The following MYH13 variants were observed in gnomAD, a reference collection of about 807,000 sequenced individuals.
MYH13 encodes myosin heavy chain 13.
MYH13 carries 177 observed loss-of-function variants against 232.1 expected under a neutral mutation model. The observed-to-expected ratio is 0.76, with a 90% confidence interval of 0.67 to 0.86. The LOEUF is 0.86. MYH13 is among the 40% of genes least tolerant of loss of function. The pLI, the probability that MYH13 is intolerant of heterozygous loss-of-function variation, is 0.00. For synonymous variants in MYH13, 884 were observed against 923.5 expected (o/e 0.96, Z 0.78); for missense variants, 2,246 against 2,405.9 (o/e 0.93, Z 1.39).
chr17:10,337,861 T>C (rs926856264), intron 18 of MYH13, among the ~76,000 whole-genome samples: 1 of 152,168 alleles, frequency 6.6e-6, no homozygotes, highest in African/African-American at 2.4e-5. Flanking sequence ...GAGACCATCC[T>C]GGCTAACATG....
At chr17:10,353,429 G>C (rs574700822) in intron 11 of MYH13, among the ~76,000 whole-genome samples, 7 of 152,314 alleles carry the variant, frequency 4.6e-5, no homozygotes, top group African/African-American at 1.2e-4. Context: ...AGTGTCTCTA[G>C]GATGATGGAC....
chr17:10,339,385 T>C (rs536038880), intron 18 of MYH13, among the ~76,000 whole-genome samples: 20 of 152,378 alleles, frequency 1.3e-4, no homozygotes, highest in African/African-American at 4.8e-4. Context: ...TGTATTTATA[T>C]ATAGTCTCTG....
At chr17:10,318,267 C>T (rs2142229675) in intron 27 of MYH13, among the ~76,000 whole-genome samples, 1 of 152,308 alleles carries the variant, frequency 6.6e-6, no homozygotes, top group South Asian at 2.1e-4. Flanking sequence ...GTGCTTGAAT[C>T]AAGTGATCTT....
rs999744116 is a variant in MYH13 at position 10,364,618 on chromosome 17, A to G, written c.-12-76T>C. On this transcript the variant is annotated intron_variant, in intron 2 of 40. Transcript: ENST00000252172. ...GCTGCAGGGCCCCTACCCTTATTCTATTAAAACGGGGCCAGATTCAAAGGC... is the reference window on the plus strand; with the variant it reads ...GCTGCAGGGCCCCTACCCTTATTCTGTTAAAACGGGGCCAGATTCAAAGGC... 4.6e-6 allele frequency: 6 copies of G among 1,297,766 alleles called. No homozygotes were observed. In the African/African-American group the frequency reaches 6.0e-5, roughly 13 times the overall value. The allele number at this position is 1,297,766 out of a possible 1,614,324, so 80.4% of individuals were successfully genotyped here.
Position 10,328,069 on chromosome 17 carries a change from G to C in MYH13, c.2488C>G (p.His830Asp). ...AAGAACAGGTTCATCCAGGGCCAGT[G>C]CTTGACGTTCATAAAAGAGCGGATG... is the stretch of plus-strand genomic sequence containing the variant. ...YNIRSFMNVK[H>D]WPWMNLFFKI... is the part of the protein sequence containing the mutation. Residue 830 changes from histidine to aspartate, a missense_variant, in exon 22 of 41, where the codon CAC (histidine) becomes GAC (aspartate). By Grantham distance (81) the His-to-Asp change is moderately conservative. Transcript: ENST00000252172. The C allele has an allele frequency of 6.2e-7, 1 of 1,614,132 alleles. No individual in the cohort carries two copies. The highest frequency in any genetic ancestry group is 1.1e-5 in the South Asian group (1 of 91,072).
chr17:10,306,358 A>G lies in MYH13; in HGVS notation c.5466+101T>C. The G allele has an allele frequency of 1.3e-6, 2 of 1,507,306 alleles. No homozygotes were observed. Among genetic ancestry groups the G allele is most frequent in the South Asian group, 1.2e-5 (1 of 80,494 alleles). 93.4% of individuals were successfully genotyped at this position (1,507,306 alleles called of 1,614,324 possible). A position where few individuals can be genotyped will look rare whatever the true frequency, so the allele number is the denominator to read the frequency against. The stretch of plus-strand genomic sequence containing the variant: ...AAGCAGTCCTGAAACTGAATTTGCA[A>G]TCTATTCATTCAGTGGCCTTTTCCC... On this transcript the variant is annotated intron_variant, in intron 37 of 40. Coordinates refer to ENST00000252172, the MANE Select transcript of MYH13 (RefSeq NM_003802.3). The surrounding 1 kb of genome is among the most constrained non-coding windows in gnomAD (Gnocchi z 4.3).
At chr17:10,349,875 G>T (rs1360117823) in intron 12 of MYH13, among the ~76,000 whole-genome samples, 1 of 152,184 alleles carries the variant, frequency 6.6e-6, no homozygotes, top group Non-Finnish European at 1.5e-5. Context: ...TCAAAAGGCA[G>T]AATTATCAAG....
rs2071639783 is a variant in MYH13, at chr17:10,343,996, C to T, written c.1698G>A (p.Gln566=). 1 of 1,614,204 alleles carries T rather than the reference C, an allele frequency of 6.2e-7. No homozygotes were observed. Reference sequence around the variant, plus strand: ...CCTTGCCTTTGGCAGGCTTGGGCTTCTGGAAGTTGTTGGATTTTCCAAGAT... The same window carrying T: ...CCTTGCCTTTGGCAGGCTTGGGCTTTTGGAAGTTGTTGGATTTTCCAAGAT... ...DQHLGKSNNF[Q]KPKPAKGKAE... Residue 566 remains glutamine, a synonymous_variant, in exon 16 of 41, where the codon CAG becomes CAA. Transcript: ENST00000252172.
intron 33 of MYH13, 59 bp from the exon 34 acceptor site, chr17:10,309,889 AT>A: frequency 7.1e-7 from 1 of 1,406,634 alleles, no homozygotes; most frequent in Non-Finnish European, 9.5e-7. Flanking sequence ...ATGAATGGGT[AT>A]TTTCATCCCC....
chr17:10,323,232 A>C (rs1358056478), intron 23 of MYH13, among the ~76,000 whole-genome samples: 1 of 152,096 alleles, frequency 6.6e-6, no homozygotes, highest in Admixed American at 6.5e-5. Context: ...AATTTGACTG[A>C]GTAATTCCAA....
chr17:10,371,705 G>C (rs1309316774), intron 1 of MYH13, among the ~76,000 whole-genome samples: 3 of 152,150 alleles, frequency 2.0e-5, no homozygotes, highest in African/African-American at 7.2e-5. Context: ...GAGGGGTCAG[G>C]GAAGAAAGAA....
At chr17:10,339,340 C>G (rs1251920699) in intron 18 of MYH13, among the ~76,000 whole-genome samples, 1 of 152,122 alleles carries the variant, frequency 6.6e-6, no homozygotes, top group African/African-American at 2.4e-5. Context: ...GCACAGGGTT[C>G]TATATTTATA....
chr17:10,359,555 C>T (rs28374994), intron 7 of MYH13, among the ~76,000 whole-genome samples: 3,633 of 152,272 alleles, frequency 0.024, 124 homozygotes, highest in East Asian at 0.11. Context: ...TAGGTAATTA[C>T]CAAACCTGAG....
chr17:10,316,282 G>A (rs912445465), intron 27 of MYH13, among the ~76,000 whole-genome samples: 1 of 152,174 alleles, frequency 6.6e-6, no homozygotes, highest in Non-Finnish European at 1.5e-5. Flanking sequence ...CCAACATGGT[G>A]AAACCTTATC....
intron 12 of MYH13, 136 bp downstream of exon 12, chr17:10,350,420 G>A: frequency 1.6e-6 from 2 of 1,271,226 alleles, no homozygotes; most frequent in Non-Finnish European, 2.1e-6. Flanking sequence ...GCTACAATGA[G>A]CTTCAGGAAA....
In MYH13 at chr17:10,347,707, T is replaced by G. The variant is rs568089020; in HGVS notation, c.1145-909A>C. ...CAGAGAAATGCTGCTCCCCAGGGAC[T>G]ACTTCTTTTTTTTTTTTTTTTTTTT... On this transcript the variant is annotated intron_variant, in intron 12 of 40. Coordinates refer to ENST00000252172, the MANE Select transcript of MYH13 (RefSeq NM_003802.3). 3.0e-3 allele frequency among the ~76,000 whole-genome samples: 396 copies of G among 132,292 alleles called. 2 individuals are homozygous for G. Among genetic ancestry groups the G allele is most frequent in the African/African-American group, 9.8e-3 (362 of 37,086 alleles). The allele number at this position is 132,292 out of a possible 152,430, so 86.8% of individuals were successfully genotyped here.
chr17:10,314,801 C>T (rs147056560), intron 29 of MYH13, among the ~76,000 whole-genome samples: 2 of 152,358 alleles, frequency 1.3e-5, no homozygotes, highest in East Asian at 3.9e-4. Flanking sequence ...GTGCACTGTT[C>T]TGCTAGGCAC....
intron 39 of MYH13, 43 bp from the exon 40 acceptor site, chr17:10,301,746 A>G (rs1163519260): frequency 1.0e-5 from 16 of 1,605,996 alleles, no homozygotes; most frequent in Non-Finnish European, 1.4e-5. Flanking sequence ...AGAGCCTCTC[A>G]GTCCGATTAT....
At chr17:10,331,064 G>C (rs184000196) in intron 20 of MYH13, among the ~76,000 whole-genome samples, 1 of 151,954 alleles carries the variant, frequency 6.6e-6, no homozygotes, top group African/African-American at 2.4e-5. Flanking sequence ...CAAAAACAAC[G>C]TGTGTTCCAG....
Sources: gnomAD v4.1 joint callset for allele counts (sites outside exome capture counted in the v4.1 genomes callset) on GRCh38, gnomAD v4.1.1 for gene constraint, Gnocchi (gnomAD v3.1) non-coding constraint, MANE v1.5 for transcripts, NCBI Gene and HGNC (gene_info 2026-07-23, HGNC 2026-07-21) for gene names.